The following SIRPB2 variants were observed in gnomAD, a reference collection of about 807,000 sequenced individuals.
SIRPB2 encodes the protein signal regulatory protein beta 2, also known as signal-regulatory protein beta-2.
In SIRPB2, 18 loss-of-function variants were observed where a neutral mutation model predicts 27.1. The ratio of observed to expected loss-of-function variants is 0.66; its 90% CI spans 0.46 to 0.98. The LOEUF is 0.98. Among genes scored for constraint, SIRPB2 ranks in the 50% least tolerant of loss-of-function variants. SIRPB2 has a pLI of 0.00. For missense variants in SIRPB2, 420 were observed against 417.4 expected (o/e 1.01, Z -0.06); for synonymous variants, 150 against 164.6 (o/e 0.91, Z 0.68).
chr20:1,478,639 C>T, intron 2 of SIRPB2, 32 bp from the exon 3 acceptor site: 2 of 1,494,288 alleles, frequency 1.3e-6, no homozygotes, highest in Non-Finnish European at 1.8e-6. Flanking sequence ...TTGTTGAATT[C>T]CCTCTCCTCT....
chr20:1,482,806 T>C (rs2090685562), intron 1 of SIRPB2, among the ~76,000 whole-genome samples: 1 of 152,016 alleles, frequency 6.6e-6, no homozygotes, highest in Admixed American at 6.6e-5. Flanking sequence ...CCATTGTGGG[T>C]GTGCTTGGGG....
Position 1,480,060 on chromosome 20 carries a change from A to G in SIRPB2, c.91T>C (p.Ser31Pro). ...CAGTCATTCCTGCTGCTCTGCCCAG[A>G]GGCATCTACAAAAGAGGAAGAAAGA... The part of the protein sequence containing the change: ...LALVLVPSDA[S>P]GQSSRNDWQV... Residue 31 changes from serine (S) to proline (P), a missense_variant, in exon 2 of 5, where the codon TCT (serine) becomes CCT (proline). Coordinates refer to ENST00000359801, the MANE Select transcript of SIRPB2 (RefSeq NM_001122962.2). 6.2e-7 allele frequency: 1 copy of G among 1,604,482 alleles called. No individual in the cohort carries two copies. The highest frequency in any genetic ancestry group is 1.1e-5 in the South Asian group (1 of 90,456).
chr20:1,479,593 G>A, intron 2 of SIRPB2, 107 bp downstream of exon 2: 1 of 1,483,746 alleles, frequency 6.7e-7, no homozygotes, highest in Non-Finnish European at 9.1e-7. Flanking sequence ...ATGTATTGTT[G>A]TATGCCACTG....
At chr20:1,480,328 T>C in intron 1 of SIRPB2, 1 of 424,030 alleles carries the variant, frequency 2.4e-6, no homozygotes, top group South Asian at 4.3e-5. Context: ...ATGTCACTTA[T>C]TCTTCACAAT....
At chr20:1,487,176 A>G (rs2090735102) in intron 1 of SIRPB2, among the ~76,000 whole-genome samples, 1 of 152,238 alleles carries the variant, frequency 6.6e-6, no homozygotes, top group South Asian at 2.1e-4. Context: ...ACTAGCAATA[A>G]ACCACTTGAA....
intron 4 of SIRPB2, chr20:1,477,129 C>T: frequency 1.3e-6 from 2 of 1,529,616 alleles, no homozygotes; most frequent in Non-Finnish European, 1.8e-6. Context: ...AGTTACATGG[C>T]CCTGGCTATG....
intron 1 of SIRPB2, among the ~76,000 whole-genome samples, chr20:1,482,132 A>G (rs1238228411): frequency 6.6e-6 from 1 of 152,226 alleles, no homozygotes; most frequent in Non-Finnish European, 1.5e-5. Context: ...AAGTTATGAC[A>G]TCGATAGAAT....
chr20:1,486,783 A>T (rs765548232), intron 1 of SIRPB2, among the ~76,000 whole-genome samples: 1 of 152,228 alleles, frequency 6.6e-6, no homozygotes, highest in Non-Finnish European at 1.5e-5. Flanking sequence ...TTGAACATGC[A>T]TTCCTAATAA....
intron 1 of SIRPB2, among the ~76,000 whole-genome samples, chr20:1,484,458 G>A (rs1372610084): frequency 6.6e-6 from 1 of 151,988 alleles, no homozygotes; most frequent in Non-Finnish European, 1.5e-5. Context: ...CCTGACAGGG[G>A]ACTAATCTAA....
At chr20:1,484,159 G>C (rs1469073103) in intron 1 of SIRPB2, among the ~76,000 whole-genome samples, 2 of 152,090 alleles carry the variant, frequency 1.3e-5, no homozygotes, top group Non-Finnish European at 2.9e-5. Context: ...GAAGAATAAA[G>C]GTAGACTGCT....
chr20:1,476,412 G>C (rs1237905289), intron 4 of SIRPB2, 76 bp from the exon 5 acceptor site: 1 of 1,427,436 alleles, frequency 7.0e-7, no homozygotes, highest in East Asian at 2.4e-5. Flanking sequence ...GCTGCCCATG[G>C]GCAAGGTCAC....
chr20:1,485,070 C>A (rs574384250), intron 1 of SIRPB2, among the ~76,000 whole-genome samples: 1 of 152,148 alleles, frequency 6.6e-6, no homozygotes, highest in South Asian at 2.1e-4. Context: ...TAGAATGATA[C>A]CAGACGTGGG....
Position 1,476,340 on chromosome 20 carries a change from G to A in SIRPB2, c.860-4C>T. ...GGTGCGAACACAACCAGGAGGCCTG[G>A]GAGGCACAGGAGAGAGCTCAGGCGG... On this transcript the variant is annotated splice_region_variant and splice_polypyrimidine_tract_variant and intron_variant, in intron 4 of 4. Transcript: ENST00000359801. The A allele has an allele frequency of 1.2e-6, 2 of 1,609,774 alleles. No homozygotes were observed. Among genetic ancestry groups the A allele is most frequent in the Non-Finnish European group, 1.7e-6 (2 of 1,178,400 alleles).
intron 1 of SIRPB2, among the ~76,000 whole-genome samples, chr20:1,482,537 T>G (rs2056555884): frequency 6.6e-6 from 1 of 151,602 alleles, no homozygotes; most frequent in Non-Finnish European, 1.5e-5. Context: ...CTTTCTTCCT[T>G]TCTTCCTTCC....
At chr20:1,483,296 A>G (rs572373693) in intron 1 of SIRPB2, among the ~76,000 whole-genome samples, 113 of 152,066 alleles carry the variant, frequency 7.4e-4, no homozygotes, top group African/African-American at 2.4e-3. Context: ...TAGTAGGGAC[A>G]GAATTTCACC....
At position 1,476,288 on chromosome 20, in the gene SIRPB2, G is replaced by A. The variant is rs759489015; in HGVS notation, c.908C>T (p.Thr303Ile). The change falls in exon 5 of 5, where the codon ACC (threonine) becomes ATC (isoleucine). Residue 303 changes from threonine to isoleucine, a missense_variant. Physicochemically the swap from Thr to Ile is moderately conservative, Grantham distance 89. Coordinates refer to ENST00000359801, the MANE Select transcript of SIRPB2 (RefSeq NM_001122962.2). ...APVVLGLKAI[T>I]LAALLLALAT... is the part of the protein sequence containing the mutation. ...CAGGGCCAGTAGGAGTGCAGCCAAG[G>A]TAATTGCCTTCAGCCCCAGGACCAC... 5.6e-6 allele frequency: 9 copies of A among 1,613,794 alleles called. No homozygotes were observed. In the East Asian group the frequency reaches 1.6e-4, roughly 28 times the overall value.
At chr20:1,481,419 C>T (rs139100427) in intron 1 of SIRPB2, among the ~76,000 whole-genome samples, 106 of 152,282 alleles carry the variant, frequency 7.0e-4, no homozygotes, top group Admixed American at 2.0e-3. Context: ...AGGATTTGAA[C>T]TCAGATCAGG....
chr20:1,473,895 T>G (rs1318389127), downstream of SIRPB2: 1 of 455,992 alleles, frequency 2.2e-6, no homozygotes, highest in Non-Finnish European at 4.4e-6. Context: ...CAACAGAAAT[T>G]TATTTTCTCA....
intron 4 of SIRPB2, 188 bp downstream of exon 4, chr20:1,477,150 T>C: frequency 1.3e-6 from 2 of 1,555,496 alleles, no homozygotes; most frequent in Non-Finnish European, 1.7e-6. Flanking sequence ...AGAAAGTTCG[T>C]TATAGCTGAG....
Sources: gnomAD v4.1 joint callset for allele counts (sites outside exome capture counted in the v4.1 genomes callset) on GRCh38, gnomAD v4.1.1 for gene constraint, MANE v1.5 for transcripts, NCBI Gene and HGNC (gene_info 2026-07-23, HGNC 2026-07-21) for gene names.